The following FOXJ3 variants were observed in gnomAD, a reference collection of about 807,000 sequenced individuals.
FOXJ3 encodes the protein forkhead box protein J3.
FOXJ3 carries 22 observed loss-of-function variants against 76.1 expected under a neutral mutation model. The observed-to-expected ratio is 0.29, with a 90% CI of 0.21 to 0.41. The LOEUF is 0.41. FOXJ3 is among the 10% of genes least tolerant of loss of function. FOXJ3 has a pLI of 1.00. For missense variants in FOXJ3, 613 were observed against 762.1 expected (o/e 0.80, Z 2.30); for synonymous variants, 269 against 261.2 (o/e 1.03, Z -0.29).
rs144300495 is a variant in FOXJ3, at chr1:42,180,470, C to A, written c.1754-645G>T. 4.3e-3 allele frequency among the ~76,000 whole-genome samples: 651 copies of A among 152,270 alleles called. 4 individuals are homozygous for A. Among genetic ancestry groups the A allele is most frequent in the African/African-American group, 0.015 (618 of 41,550 alleles). On this transcript the variant is annotated intron_variant, in intron 12 of 12. Transcript: ENST00000361346. ...TCCACCGTATCTTGACAGACCCCCC[C>A]CTTCTAAACCAGCTGCTTTTTAAAA...
At chr1:42,187,439 G>C (rs943867791) in intron 11 of FOXJ3, among the ~76,000 whole-genome samples, 4 of 152,116 alleles carry the variant, frequency 2.6e-5, no homozygotes, top group Non-Finnish European at 5.9e-5. Context: ...TGGTACACCT[G>C]GTCTAAGGAG....
chr1:42,298,319 T>C (rs1653918002), intron 2 of FOXJ3, among the ~76,000 whole-genome samples: 1 of 152,196 alleles, frequency 6.6e-6, no homozygotes, highest in Admixed American at 6.5e-5. Context: ...ATACAGAAGT[T>C]TTCCTTTATT....
chr1:42,189,620 C>A (rs1646503373), intron 9 of FOXJ3: 2 of 444,856 alleles, frequency 4.5e-6, no homozygotes, highest in Admixed American at 3.8e-5. Context: ...AGAAACTGAA[C>A]CAGAGAAGTG....
At chr1:42,212,018 C>T (rs1448915534) in intron 5 of FOXJ3, among the ~76,000 whole-genome samples, 1 of 152,174 alleles carries the variant, frequency 6.6e-6, no homozygotes, top group African/African-American at 2.4e-5. Flanking sequence ...CTTTGGGAGG[C>T]AAAGGTGGGT....
intron 1 of FOXJ3, among the ~76,000 whole-genome samples, chr1:42,333,683 A>G (rs79348543): frequency 0.017 from 2,592 of 152,266 alleles, 70 homozygotes; most frequent in African/African-American, 0.06. Flanking sequence ...CAAAACAGCA[A>G]AACAGAAGAT....
chr1:42,191,702 A>G lies in FOXJ3; in HGVS notation c.952T>C (p.Ser318Pro), dbSNP rs1168052910. The G allele has an allele frequency of 6.2e-7, 1 of 1,611,554 alleles. No homozygotes were observed. Among genetic ancestry groups the G allele is most frequent in the East Asian group, 2.2e-5 (1 of 44,804 alleles). Residue 318 changes from serine (S) to proline (P), a missense_variant, in exon 9 of 13, where the codon TCT becomes CCT. Transcript: ENST00000361346. ...LSQQGLMNIPSESSQQSHTSC... is the reference protein window; with the variant it reads ...LSQQGLMNIPPESSQQSHTSC... ...GTGTGGGACTGCTGGGAAGATTCAG[A>G]AGGGATGTTCATCAAACCTAAAAAC...
chr1:42,259,737 A>G (rs970872836), intron 4 of FOXJ3, among the ~76,000 whole-genome samples: 1 of 152,160 alleles, frequency 6.6e-6, no homozygotes, highest in Non-Finnish European at 1.5e-5. Flanking sequence ...GCACTAATCC[A>G]TTTCTTCACT....
At chr1:42,241,027 T>C (rs1302214767) in intron 4 of FOXJ3, among the ~76,000 whole-genome samples, 1 of 152,130 alleles carries the variant, frequency 6.6e-6, no homozygotes, top group African/African-American at 2.4e-5. Flanking sequence ...AGGAAACACC[T>C]GAGGCAGGGA....
intron 5 of FOXJ3, among the ~76,000 whole-genome samples, chr1:42,221,688 T>C (rs922344426): frequency 5.9e-5 from 9 of 151,708 alleles, no homozygotes; most frequent in South Asian, 2.1e-4. Context: ...CTCAAAGTAC[T>C]GCGATTACAG....
At chr1:42,328,126 TC>T (rs1284727133) in intron 1 of FOXJ3, among the ~76,000 whole-genome samples, 1 of 152,094 alleles carries the variant, frequency 6.6e-6, no homozygotes, top group Non-Finnish European at 1.5e-5. Context: ...TCAGATCTTG[TC>T]TGAATTAAAA....
chr1:42,317,248 C>T (rs977909166), intron 1 of FOXJ3, among the ~76,000 whole-genome samples: 2 of 151,934 alleles, frequency 1.3e-5, no homozygotes, highest in Non-Finnish European at 2.9e-5. Flanking sequence ...AACAGGTAAT[C>T]ATTAAAGCAG....
chr1:42,308,582 G>A (rs1344316782), intron 2 of FOXJ3, among the ~76,000 whole-genome samples: 2 of 152,098 alleles, frequency 1.3e-5, no homozygotes, highest in African/African-American at 4.8e-5. Context: ...TCATGACTCC[G>A]AATGCCGTAG....
intron 4 of FOXJ3, among the ~76,000 whole-genome samples, chr1:42,252,205 T>C (rs1031907499): frequency 6.6e-6 from 1 of 152,174 alleles, no homozygotes; most frequent in Admixed American, 6.5e-5. Context: ...ATGGTACCAG[T>C]TCCTCCTTGT....
chr1:42,237,202 C>T (rs750479578), intron 4 of FOXJ3, among the ~76,000 whole-genome samples: 6 of 151,466 alleles, frequency 4.0e-5, no homozygotes, highest in Non-Finnish European at 5.9e-5. Flanking sequence ...GGTAAAACCC[C>T]GTCTCTACCA....
chr1:42,312,554 A>T (rs1654876674), intron 1 of FOXJ3, among the ~76,000 whole-genome samples: 2 of 152,362 alleles, frequency 1.3e-5, no homozygotes, highest in South Asian at 4.1e-4. Context: ...GTAACCACTG[A>T]AAATAACGAA....
intron 7 of FOXJ3, among the ~76,000 whole-genome samples, chr1:42,196,453 G>A (rs1451016716): frequency 6.6e-6 from 1 of 152,180 alleles, no homozygotes; most frequent in East Asian, 1.9e-4. Flanking sequence ...AGCACTTTAA[G>A]AGGCCGAGGC....
rs1008536581 is a variant in FOXJ3 at position 42,191,815 on chromosome 1, A to T, written c.935-96T>A. 3.1e-6 allele frequency: 4 copies of T among 1,292,760 alleles called. No individual in the cohort carries two copies. In the African/African-American group the frequency reaches 5.9e-5, roughly 19 times the overall value. The allele number at this position is 1,292,760 out of a possible 1,614,324, so 80.1% of individuals were successfully genotyped here. A position where few individuals can be genotyped will look rare whatever the true frequency, so the allele number is the denominator to read the frequency against. On this transcript the variant is annotated intron_variant, in intron 8 of 12. Coordinates refer to ENST00000361346, the MANE Select transcript of FOXJ3 (RefSeq NM_014947.5). The stretch of plus-strand genomic sequence containing the variant: ...TAACATAACAAAAGCATATGATGCC[A>T]GGAAGCAACACTGGTTCAATTTAAT...
At chr1:42,271,705 G>C (rs555149776) in intron 3 of FOXJ3, among the ~76,000 whole-genome samples, 1 of 152,096 alleles carries the variant, frequency 6.6e-6, no homozygotes, top group South Asian at 2.1e-4. Context: ...CTGCAGTGTA[G>C]TGGCATGATC....
In FOXJ3 at chr1:42,191,706, G is replaced by A. The variant is rs145272534; in HGVS notation, c.948C>T (p.Ile316=). 9 of 1,609,792 alleles carry A rather than the reference G, an allele frequency of 5.6e-6. No individual in the cohort carries two copies. The highest frequency in any genetic ancestry group is 1.7e-5 in the Admixed American group (1 of 59,936). Residue 316 remains isoleucine, a synonymous_variant, in exon 9 of 13, where the codon ATC becomes ATT. Transcript: ENST00000361346. ...QSLSQQGLMN[I]PSESSQQSHT... is the part of the protein sequence containing the mutation. ...GGGACTGCTGGGAAGATTCAGAAGG[G>A]ATGTTCATCAAACCTAAAAACAAAG...
Sources: gnomAD v4.1 joint callset for allele counts (sites outside exome capture counted in the v4.1 genomes callset) on GRCh38, gnomAD v4.1.1 for gene constraint, MANE v1.5 for transcripts, NCBI Gene and HGNC (gene_info 2026-07-23, HGNC 2026-07-21) for gene names.